GALNT17: variants seen among roughly 807,000 people sequenced by gnomAD.
GALNT17 encodes UDP-GalNAc:polypeptide N-acetylgalactosaminyltransferase-like 3.
Under a neutral mutation model 63.7 loss-of-function variants are expected in GALNT17, and 29 were observed. That is an observed-to-expected ratio of 0.46 (90% CI 0.34 to 0.62). The LOEUF is 0.62. Ranked by LOEUF, GALNT17 falls within the 20% of genes least tolerant of loss-of-function variation. GALNT17 has a pLI of 0.01. For missense variants in GALNT17, 603 were observed against 799.6 expected (o/e 0.75, Z 2.97); for synonymous variants, 305 against 318.3 (o/e 0.96, Z 0.45).
rs149356365 is a variant in GALNT17 at position 71,355,949 on chromosome 7, G to A, written c.422+20216G>A. Among the ~76,000 whole-genome samples, 1,158 of 152,102 alleles carry A rather than the reference G, an allele frequency of 7.6e-3. 19 individuals are homozygous for A. The highest frequency in any genetic ancestry group is 0.026 in the African/African-American group (1,063 of 41,508). On this transcript the variant is annotated intron_variant, in intron 2 of 10. Transcript: ENST00000333538. ...GATTTTCTGTTTTCACTTTCTTCTC[G>A]ATATAGTTACTTTGTATATACGGAG...
intron 3 of GALNT17, among the ~76,000 whole-genome samples, chr7:71,409,511 A>T (rs1793393680): frequency 6.6e-6 from 1 of 151,492 alleles, no homozygotes; most frequent in East Asian, 1.9e-4. Flanking sequence ...TGAAATATTC[A>T]GTAAGTCTCA....
At chr7:71,585,507 G>T (rs909349402) in intron 6 of GALNT17, among the ~76,000 whole-genome samples, 1 of 152,150 alleles carries the variant, frequency 6.6e-6, no homozygotes, top group Non-Finnish European at 1.5e-5. Context: ...AGGAAAGCAG[G>T]ATAAATGCTT....
At chr7:71,186,411 G>A (rs924195678) in intron 1 of GALNT17, among the ~76,000 whole-genome samples, 3 of 152,184 alleles carry the variant, frequency 2.0e-5, no homozygotes, top group African/African-American at 2.4e-5. Flanking sequence ...CACCCCTGCC[G>A]CAGGCCTAAG....
chr7:71,255,295 A>T (rs1342908375), intron 1 of GALNT17, among the ~76,000 whole-genome samples: 1 of 152,090 alleles, frequency 6.6e-6, no homozygotes, highest in Non-Finnish European at 1.5e-5. Flanking sequence ...GTCTCATGAG[A>T]TCTGATGGTT....
At chr7:71,328,849 G>A (rs2116050385) in intron 1 of GALNT17, among the ~76,000 whole-genome samples, 1 of 151,926 alleles carries the variant, frequency 6.6e-6, no homozygotes, top group Non-Finnish European at 1.5e-5. Flanking sequence ...AATCTCATTG[G>A]GACCATCATT....
intron 6 of GALNT17, among the ~76,000 whole-genome samples, chr7:71,635,088 T>C (rs1314826139): frequency 1.3e-5 from 2 of 151,036 alleles, no homozygotes; most frequent in African/African-American, 2.4e-5. Flanking sequence ...GCGCCTGTAA[T>C]CCCAGCTACT....
intron 6 of GALNT17, among the ~76,000 whole-genome samples, chr7:71,651,999 G>T (rs1433983445): frequency 6.6e-6 from 1 of 152,152 alleles, no homozygotes; most frequent in Non-Finnish European, 1.5e-5. Context: ...ACCGTGCCCA[G>T]CCTGGGTTGA....
chr7:71,697,000 A>G (rs1791555559), intron 9 of GALNT17, among the ~76,000 whole-genome samples: 1 of 152,206 alleles, frequency 6.6e-6, no homozygotes, highest in Admixed American at 6.5e-5. Flanking sequence ...ATATGGAGCC[A>G]GTGGAGACAG....
intron 7 of GALNT17, among the ~76,000 whole-genome samples, chr7:71,669,030 T>C (rs1218198955): frequency 6.6e-6 from 1 of 152,214 alleles, no homozygotes; most frequent in Non-Finnish European, 1.5e-5. Flanking sequence ...CTCTGATAGT[T>C]ACTAAGGAAA....
chr7:71,711,295 A>AC (rs1181615426), intron 10 of GALNT17, among the ~76,000 whole-genome samples: 3 of 90,116 alleles, frequency 3.3e-5, no homozygotes, highest in African/African-American at 1.3e-4. Context: ...CCCATCCCCC[A>AC]CCCCCCACCA....
intron 8 of GALNT17, among the ~76,000 whole-genome samples, chr7:71,673,881 G>A (rs1227275746): frequency 6.6e-6 from 1 of 152,216 alleles, no homozygotes; most frequent in East Asian, 1.9e-4. Context: ...CGCCTCCCGA[G>A]TATCTGGGGC....
intron 5 of GALNT17, among the ~76,000 whole-genome samples, chr7:71,488,889 CTTT>C (rs369124996): frequency 0.01 from 565 of 54,708 alleles, 8 homozygotes; most frequent in African/African-American, 0.041. Flanking sequence ...GCCAGGTTTC[CTTT>C]TTTTTTTTTT....
chr7:71,639,956 C>T (rs550747852), intron 6 of GALNT17, among the ~76,000 whole-genome samples: 6 of 152,198 alleles, frequency 3.9e-5, no homozygotes, highest in Non-Finnish European at 7.3e-5. Context: ...AATCATTTCT[C>T]GCAATCTGGA....
At chr7:71,626,478 T>C (rs1232976569) in intron 6 of GALNT17, among the ~76,000 whole-genome samples, 2 of 152,220 alleles carry the variant, frequency 1.3e-5, no homozygotes, top group Non-Finnish European at 2.9e-5. Context: ...ACACTATTTA[T>C]TATGTTCTCT....
At chr7:71,541,269 A>T (rs1788886924) in intron 5 of GALNT17, among the ~76,000 whole-genome samples, 1 of 148,384 alleles carries the variant, frequency 6.7e-6, no homozygotes, top group African/African-American at 2.5e-5. Flanking sequence ...GCTGCGTATG[A>T]TGGGTGGCCT....
At chr7:71,158,999 C>T (rs1585846582) in intron 1 of GALNT17, among the ~76,000 whole-genome samples, 4 of 151,868 alleles carry the variant, frequency 2.6e-5, no homozygotes, top group East Asian at 3.9e-4. Context: ...ATCTGCTCCT[C>T]GTCTGGTGTT....
At chr7:71,431,463 G>A (rs943162124) in intron 5 of GALNT17, among the ~76,000 whole-genome samples, 1 of 152,076 alleles carries the variant, frequency 6.6e-6, no homozygotes, top group African/African-American at 2.4e-5. Flanking sequence ...ACCCTCCTCA[G>A]CCTCCCAAAG....
At chr7:71,567,622 G>A (rs1236579514) in intron 5 of GALNT17, among the ~76,000 whole-genome samples, 2 of 152,026 alleles carry the variant, frequency 1.3e-5, no homozygotes, top group African/African-American at 2.4e-5. Context: ...ACACCACCAC[G>A]CCCAGCTAAT....
rs373251451 is a variant in GALNT17 at position 71,203,157 on chromosome 7, T to C, written c.238+70117T>C. 2.8e-3 allele frequency among the ~76,000 whole-genome samples: 419 copies of C among 152,312 alleles called. 3 individuals are homozygous for C. Among genetic ancestry groups the C allele is most frequent in the African/African-American group, 9.6e-3 (400 of 41,570 alleles). The stretch of plus-strand genomic sequence containing the variant: ...ATACTAAGTTCAGTTCCAATGGATA[T>C]GTACCCAGACGTGGGATTGCTGGAT... On this transcript the variant is annotated intron_variant, in intron 1 of 10. Transcript: ENST00000333538.
Sources: gnomAD v4.1 joint callset for allele counts (sites outside exome capture counted in the v4.1 genomes callset) on GRCh38, gnomAD v4.1.1 for gene constraint, MANE v1.5 for transcripts, NCBI Gene and HGNC (gene_info 2026-07-23, HGNC 2026-07-21) for gene names.